Variants in ARHGAP22 observed in about 807,000 individuals in gnomAD.
ARHGAP22 encodes the protein rho GTPase-activating protein 22.
Under a neutral mutation model 59.1 loss-of-function variants are expected in ARHGAP22, and 48 were observed. The observed-to-expected ratio is 0.81, with a 90% CI of 0.64 to 1.03. The LOEUF (loss-of-function observed/expected upper bound fraction) is 1.03, where lower values mean the gene tolerates loss of function less well. ARHGAP22 is among the 50% of genes least tolerant of loss of function. ARHGAP22 has a pLI of 0.00. For synonymous variants in ARHGAP22, 445 were observed against 416.4 expected, an observed-to-expected ratio of 1.07 and a Z score of -0.84; for missense variants, 1,015 against 958.7, an observed-to-expected ratio of 1.06 and a Z score of -0.78.
intron 3 of ARHGAP22, among the ~76,000 whole-genome samples, chr10:48,516,093 T>A (rs576215081): frequency 6.6e-6 from 1 of 152,064 alleles, no homozygotes; most frequent in South Asian, 2.1e-4. Context: ...AAAAGTTGGT[T>A]CTTTGAAAAA....
chr10:48,508,978 T>C (rs2052460107), intron 3 of ARHGAP22, among the ~76,000 whole-genome samples: 1 of 152,242 alleles, frequency 6.6e-6, no homozygotes, highest in South Asian at 2.1e-4. Flanking sequence ...CACTGTTATC[T>C]AATGGGAAAC....
At position 48,459,852 on chromosome 10, in the gene ARHGAP22, T is replaced by A. The variant is rs752118311; in HGVS notation, c.491A>T (p.Glu164Val). 16 of 1,613,220 alleles carry A rather than the reference T, an allele frequency of 9.9e-6. No individual in the cohort carries two copies. In the South Asian group the frequency reaches 1.8e-4, roughly 18 times the overall value. Residue 164 changes from glutamate to valine, a missense_variant, in exon 5 of 10, where the codon GAG becomes GTG. By Grantham distance (121) the Glu-to-Val change is moderately radical. Coordinates refer to ENST00000249601, the MANE Select transcript of ARHGAP22 (RefSeq NM_021226.4). ...CGCCAGGCGGGGGCCATACTTCCGC[T>A]CGTGGTGGACTGTTTCCTCTAGGCG... ...GQRLEETVHHERKYGPRLAPL... is the reference protein window; with the variant it reads ...GQRLEETVHHVRKYGPRLAPL...
intron 1 of ARHGAP22, 37 bp downstream of exon 1, chr10:48,604,726 T>G: frequency 6.2e-7 from 1 of 1,614,186 alleles, no homozygotes; most frequent in Non-Finnish European, 8.5e-7. Context: ...AAGAGGCACA[T>G]GCGGTGCCCA....
the ARHGAP22 span, among the ~76,000 whole-genome samples, chr10:48,440,765 T>C: frequency 2.6e-5 from 4 of 152,156 alleles, no homozygotes; most frequent in African/African-American, 9.7e-5. Flanking sequence ...AAAAAAAGTA[T>C]TATGACCTGA....
intron 2 of ARHGAP22, among the ~76,000 whole-genome samples, chr10:48,558,510 A>C (rs1475162251): frequency 5.9e-5 from 9 of 151,888 alleles, no homozygotes; most frequent in Admixed American, 5.9e-4. Context: ...GGTGTATGCC[A>C]CCATGCCTAG....
intron 2 of ARHGAP22, among the ~76,000 whole-genome samples, chr10:48,557,032 G>A (rs771374838): frequency 3.3e-5 from 5 of 152,236 alleles, no homozygotes; most frequent in Non-Finnish European, 7.3e-5. Context: ...AATGTGGAAA[G>A]GCAGAACATC....
chr10:48,488,989 G>T (rs2050110507), intron 3 of ARHGAP22, among the ~76,000 whole-genome samples: 1 of 152,118 alleles, frequency 6.6e-6, no homozygotes, highest in South Asian at 2.1e-4. Flanking sequence ...CAGGCAGTCA[G>T]CTGGGGCACA....
Position 48,509,906 on chromosome 10 carries a change from C to G in ARHGAP22, c.323-30142G>C. Reference sequence around the variant, plus strand: ...GGAGAAACTCAAAGACCTGTAGTCCCACAGTCAAGAAGTACTAACAGAACG... The same window carrying G: ...GGAGAAACTCAAAGACCTGTAGTCCGACAGTCAAGAAGTACTAACAGAACG... On this transcript the variant is annotated intron_variant, in intron 3 of 9. Coordinates refer to ENST00000249601, the MANE Select transcript of ARHGAP22 (RefSeq NM_021226.4). Among the ~76,000 whole-genome samples the G allele has an allele frequency of 1.3e-5, 2 of 152,174 alleles. 1 individual carries two copies.
upstream of ARHGAP22, among the ~76,000 whole-genome samples, chr10:48,606,472 G>A (rs2060678145): frequency 6.6e-6 from 1 of 152,168 alleles, no homozygotes; most frequent in African/African-American, 2.4e-5. Flanking sequence ...ACTCCTCAGA[G>A]GGATGAATGA....
intron 9 of ARHGAP22, among the ~76,000 whole-genome samples, chr10:48,449,740 G>C (rs2045709204): frequency 6.6e-6 from 1 of 152,212 alleles, no homozygotes; most frequent in South Asian, 2.1e-4. Context: ...TAAGCCTCAG[G>C]GTGCAGCACA....
At chr10:48,478,654 G>C (rs886582725) in intron 4 of ARHGAP22, among the ~76,000 whole-genome samples, 1 of 152,212 alleles carries the variant, frequency 6.6e-6, no homozygotes, top group South Asian at 2.1e-4. Flanking sequence ...ATGCCATGGT[G>C]ATCCCATTAT....
At chr10:48,512,331 C>T (rs7915127) in intron 3 of ARHGAP22, among the ~76,000 whole-genome samples, 79,499 of 152,160 alleles carry the variant, frequency 0.52, 23,707 homozygotes, top group Middle Eastern at 0.75. Flanking sequence ...GAATCCCAGC[C>T]GTGGGTGGCC....
chr10:48,439,380 AAAC>A, the ARHGAP22 span: 4 of 151,614 alleles, frequency 2.6e-5, no homozygotes, highest in Non-Finnish European at 4.4e-5. Context: ...TTTTCATTGA[AAAC>A]AAAATCTGTT....
chr10:48,564,983 G>A (rs1320153421), intron 2 of ARHGAP22, among the ~76,000 whole-genome samples: 3 of 152,194 alleles, frequency 2.0e-5, no homozygotes, highest in East Asian at 3.8e-4. Context: ...GGGAATAAAG[G>A]AGATTAACAA....
chr10:48,526,508 ATT>A (rs1030700448), intron 3 of ARHGAP22, among the ~76,000 whole-genome samples: 1 of 152,232 alleles, frequency 6.6e-6, no homozygotes. Flanking sequence ...CTGCCAAGTC[ATT>A]TTAAACAGTT....
rs184566991 is a variant in ARHGAP22 at position 48,633,966 on chromosome 10, A to T, written c.52+18268T>A. Among the ~76,000 whole-genome samples the T allele has an allele frequency of 2.0e-5, 3 of 152,320 alleles. No individual in the cohort carries two copies. In the East Asian group the frequency reaches 5.8e-4, roughly 29 times the overall value. ...CTGAGAGTTGACACCATGGGCATCT[A>T]TGCCCTATGTTCTCCCTCACCTTCT... is the stretch of plus-strand genomic sequence containing the variant. On this transcript the variant is annotated intron_variant, in intron 1 of 9. Transcript: ENST00000435790.
Position 48,604,996 on chromosome 10 carries a change from C to T in ARHGAP22, c.-200G>A. ...GCCTTGGACTACATAAACCTCGATG[C>T]ATTATTTATCCATCCCAGAATTAAT... is the stretch of plus-strand genomic sequence containing the variant. On this transcript the variant is annotated 5_prime_UTR_variant, in exon 1 of 10. An upstream start codon of the reference 5' UTR is lost. Transcript: ENST00000249601. 2.1e-6 allele frequency: 3 copies of T among 1,450,450 alleles called. No homozygotes were observed. The highest frequency in any genetic ancestry group is 2.7e-6 in the Non-Finnish European group (3 of 1,106,278). 89.8% of individuals were successfully genotyped at this position (1,450,450 alleles called of 1,614,324 possible). A position where few individuals can be genotyped will look rare whatever the true frequency, so the allele number is the denominator to read the frequency against.
intron 3 of ARHGAP22, among the ~76,000 whole-genome samples, chr10:48,555,156 C>G (rs567774998): frequency 6.6e-6 from 1 of 152,128 alleles, no homozygotes; most frequent in East Asian, 1.9e-4. Flanking sequence ...GCTTTATTTC[C>G]AGGTATTGTG....
intron 3 of ARHGAP22, among the ~76,000 whole-genome samples, chr10:48,522,027 CA>C: frequency 6.6e-6 from 1 of 152,388 alleles, no homozygotes; most frequent in Non-Finnish European, 1.5e-5. Flanking sequence ...GCCACCCAGC[CA>C]GACTGGCCAC....
Sources: gnomAD v4.1 joint callset for allele counts (sites outside exome capture counted in the v4.1 genomes callset) on GRCh38, gnomAD v4.1.1 for gene constraint, MANE v1.5 for transcripts, NCBI Gene and HGNC (gene_info 2026-07-23, HGNC 2026-07-21) for gene names.